Variants in RSU1 observed in about 807,000 individuals in gnomAD.
RSU1 encodes rsu-1.
RSU1 carries 26 observed loss-of-function variants against 31.1 expected under a neutral mutation model. The ratio of observed to expected loss-of-function variants is 0.84; its 90% CI spans 0.61 to 1.16. The LOEUF is 1.16. Ranked by LOEUF, RSU1 falls within the 50% of genes most tolerant of loss-of-function variation. The probability of loss-of-function intolerance (pLI) is 0.00; values close to 1 mark genes in which losing one functional copy is unlikely to be tolerated. For synonymous variants in RSU1, 164 were observed against 136.3 expected (o/e 1.20, Z -1.41); for missense variants, 320 against 339.1 (o/e 0.94, Z 0.44).
rs1834030035 is a variant in RSU1 at position 16,619,238 on chromosome 10, T to G, written c.732-25742A>C. Among the ~76,000 whole-genome samples, 6 of 152,252 alleles carry G rather than the reference T, an allele frequency of 3.9e-5. No individual in the cohort carries two copies. The South Asian group carries it at 1.2e-3, about 32-fold the overall frequency. On this transcript the variant is annotated intron_variant, in intron 8 of 8. Coordinates refer to ENST00000345264, the MANE Select transcript of RSU1 (RefSeq NM_012425.4). ...CTCACGTAGTTTACAAAATATTCTA[T>G]GCCTTCTGCCAGCAGCAAGCATCTA...
intron 8 of RSU1, among the ~76,000 whole-genome samples, chr10:16,631,804 C>T (rs1436760978): frequency 6.6e-6 from 1 of 152,160 alleles, no homozygotes; most frequent in Non-Finnish European, 1.5e-5. Context: ...ACCTCTTGTT[C>T]CCATTCTAGG....
chr10:16,815,940 G>C (rs1838519679), intron 2 of RSU1, among the ~76,000 whole-genome samples: 2 of 152,234 alleles, frequency 1.3e-5, no homozygotes, highest in Admixed American at 6.5e-5. Flanking sequence ...GGTTCAGAAT[G>C]GCTGGAATGC....
intron 8 of RSU1, among the ~76,000 whole-genome samples, chr10:16,651,795 T>C (rs1362848779): frequency 4.6e-5 from 7 of 152,216 alleles, no homozygotes; most frequent in African/African-American, 2.4e-5. Context: ...CTTTTATACC[T>C]AATGAAGCCT....
intron 2 of RSU1, among the ~76,000 whole-genome samples, chr10:16,808,635 A>AT (rs1294036630): frequency 6.6e-6 from 1 of 152,158 alleles, no homozygotes; most frequent in Non-Finnish European, 1.5e-5. Flanking sequence ...TATGAGTGTG[A>AT]GAAGCACTTA....
At chr10:16,642,077 GA>G (rs1406458207) in intron 8 of RSU1, among the ~76,000 whole-genome samples, 1 of 152,160 alleles carries the variant, frequency 6.6e-6, no homozygotes, top group East Asian at 1.9e-4. Context: ...TTAGGATATG[GA>G]AACAGAGATG....
In RSU1 at chr10:16,764,652, A is replaced by AT. The variant is rs950077407; in HGVS notation, c.161-143dup. 2.6e-5 allele frequency: 23 copies of AT among 868,096 alleles called. No individual in the cohort carries two copies. In the African/African-American group the frequency reaches 3.8e-4, roughly 14 times the overall value. 53.8% of individuals were successfully genotyped at this position (868,096 alleles called of 1,614,324 possible). On this transcript the variant is annotated intron_variant, in intron 3 of 8. Coordinates refer to ENST00000345264, the MANE Select transcript of RSU1 (RefSeq NM_012425.4). ...TCGAATTCACCTACCGGTCTTATTT[A>AT]TTTTTTACAGGTTTTTCATAAGCAG... is the stretch of plus-strand genomic sequence containing the variant.
At chr10:16,649,457 G>C (rs1005872744) in intron 8 of RSU1, among the ~76,000 whole-genome samples, 1 of 152,092 alleles carries the variant, frequency 6.6e-6, no homozygotes, top group African/African-American at 2.4e-5. Context: ...AGAGGTACTC[G>C]AAATCAGACT....
chr10:16,612,231 G>C (rs1833902892), intron 8 of RSU1, among the ~76,000 whole-genome samples: 2 of 152,202 alleles, frequency 1.3e-5, no homozygotes. Flanking sequence ...TTTCCAAAGA[G>C]ATATATATTT....
intron 7 of RSU1, among the ~76,000 whole-genome samples, chr10:16,750,917 G>C (rs770020955): frequency 2.7e-5 from 4 of 149,930 alleles, no homozygotes; most frequent in Non-Finnish European, 4.4e-5. Flanking sequence ...CCAGCCAGGA[G>C]TGCAGTGGCA....
At chr10:16,756,427 C>T (rs1837087970) in intron 4 of RSU1, among the ~76,000 whole-genome samples, 1 of 152,152 alleles carries the variant, frequency 6.6e-6, no homozygotes, top group South Asian at 2.1e-4. Context: ...TATTTTTCTT[C>T]TACCTCTGCC....
At chr10:16,594,938 C>A (rs1833586295) in intron 8 of RSU1, among the ~76,000 whole-genome samples, 1 of 151,756 alleles carries the variant, frequency 6.6e-6, no homozygotes, top group Admixed American at 6.6e-5. Flanking sequence ...GCATGCACCA[C>A]CATGCCCAGC....
intron 8 of RSU1, among the ~76,000 whole-genome samples, chr10:16,631,987 A>G (rs951074284): frequency 5.3e-5 from 8 of 152,288 alleles, no homozygotes; most frequent in African/African-American, 1.9e-4. Flanking sequence ...CCTGGAGCTC[A>G]GTGAAATTAG....
intron 8 of RSU1, among the ~76,000 whole-genome samples, chr10:16,667,257 A>AG (rs543118467): frequency 3.2e-3 from 487 of 152,232 alleles, no homozygotes; most frequent in Middle Eastern, 6.8e-3. Context: ...AGGTACCCAA[A>AG]GGGGTAGGGA....
chr10:16,723,061 T>G (rs1163388415), intron 7 of RSU1: 1 of 151,556 alleles, frequency 6.6e-6, no homozygotes, highest in Non-Finnish European at 1.5e-5. Context: ...CACACATATA[T>G]ATCATGTGAT....
At chr10:16,768,923 T>G (rs1361090295) in intron 3 of RSU1, among the ~76,000 whole-genome samples, 4 of 152,182 alleles carry the variant, frequency 2.6e-5, no homozygotes, top group Admixed American at 6.5e-5. Context: ...TCCATCTGCG[T>G]GAAATACTGA....
Position 16,752,632 on chromosome 10 carries a change from G to C in RSU1, c.505C>G (p.Leu169Val). The change falls in exon 7 of 9, where the codon CTG (leucine) becomes GTG (valine). Residue 169 changes from leucine to valine, a missense_variant. By Grantham distance (32) the Leu-to-Val change is conservative. Transcript: ENST00000345264. ...LQILSLRDND[L>V]ISLPKEIGEL... The stretch of plus-strand genomic sequence containing the variant: ...CCGATTTCCTTAGGCAGCGAGATCA[G>C]GTCGTTATCCCTAAGGCTGAGCTAA... The C allele has an allele frequency of 6.2e-7, 1 of 1,613,962 alleles. No homozygotes were observed. Among genetic ancestry groups the C allele is most frequent in the Non-Finnish European group, 8.5e-7 (1 of 1,179,840 alleles).
At chr10:16,809,994 G>A (rs1021593542) in intron 2 of RSU1, among the ~76,000 whole-genome samples, 3 of 148,970 alleles carry the variant, frequency 2.0e-5, no homozygotes, top group Admixed American at 6.7e-5. Context: ...GCCGGGGGTG[G>A]GGGGGGGAGG....
At chr10:16,706,468 T>G (rs12569992) in intron 7 of RSU1, among the ~76,000 whole-genome samples, 6 of 152,232 alleles carry the variant, frequency 3.9e-5, no homozygotes, top group Non-Finnish European at 7.3e-5. Context: ...GTTGCTGCTG[T>G]TGAGTTTTAG....
At chr10:16,625,007 G>T (rs1324474036) in intron 8 of RSU1, among the ~76,000 whole-genome samples, 1 of 152,106 alleles carries the variant, frequency 6.6e-6, no homozygotes, top group African/African-American at 2.4e-5. Context: ...ACCTTCATTA[G>T]TATTTAAGTG....
Sources: gnomAD v4.1 joint callset for allele counts (sites outside exome capture counted in the v4.1 genomes callset) on GRCh38, gnomAD v4.1.1 for gene constraint, MANE v1.5 for transcripts, NCBI Gene and HGNC (gene_info 2026-07-23, HGNC 2026-07-21) for gene names.